HIBCH: variants seen among roughly 807,000 people sequenced by gnomAD.
HIBCH encodes the protein 3-hydroxyisobutyryl-CoA hydrolase, mitochondrial.
HIBCH carries 50 observed loss-of-function variants against 58.2 expected under a neutral mutation model. The ratio of observed to expected loss-of-function variants is 0.86; its 90% CI spans 0.68 to 1.09. The LOEUF is 1.09. Ranked by LOEUF, HIBCH falls within the 50% of genes least tolerant of loss-of-function variation. HIBCH has a pLI of 0.00. For missense variants in HIBCH, 450 were observed against 449.7 expected (o/e 1.00, Z -0.01); for synonymous variants, 151 against 146.9 (o/e 1.03, Z -0.20).
At chr2:190,228,966 C>G (rs1340669717) in intron 11 of HIBCH, among the ~76,000 whole-genome samples, 1 of 152,150 alleles carries the variant, frequency 6.6e-6, no homozygotes, top group Non-Finnish European at 1.5e-5. Flanking sequence ...CCAAAGAACC[C>G]TTCTTTTGAC....
intron 10 of HIBCH, among the ~76,000 whole-genome samples, 161 bp downstream of exon 10, chr2:190,245,989 CAAAA>C (rs527873173): frequency 3.3e-5 from 2 of 60,266 alleles, no homozygotes; most frequent in African/African-American, 5.6e-5. Context: ...GACTCTGTCT[CAAAA>C]AAAAAAAAAA....
rs1172882301 is a variant in HIBCH, at chr2:190,236,634, CTATA to C, written c.891+8249_891+8252del. 6.6e-6 allele frequency among the ~76,000 whole-genome samples: 1 copy of C among 152,138 alleles called. No individual in the cohort carries two copies. Among genetic ancestry groups the C allele is most frequent in the Non-Finnish European group, 1.5e-5 (1 of 68,010 alleles). On this transcript the variant is annotated intron_variant, in intron 11 of 13. Coordinates refer to ENST00000359678, the MANE Select transcript of HIBCH (RefSeq NM_014362.4). This position sits in a 1 kb window ranked among gnomAD's most constrained non-coding sequence, Gnocchi z 4.1. ...TTCACCAATCTGAAATGTCATATTA[CTATA>C]TAAAGACCAAAACAGACCTTCAAAA...
chr2:190,302,345 T>C (rs959433294), intron 2 of HIBCH, among the ~76,000 whole-genome samples: 2 of 152,212 alleles, frequency 1.3e-5, no homozygotes. Context: ...TAAGCTAACA[T>C]GTATGCACAT....
chr2:190,296,956 G>A lies in HIBCH; in HGVS notation c.79-3C>T, dbSNP rs778922921. 2.5e-6 allele frequency: 4 copies of A among 1,613,800 alleles called. No individual in the cohort carries two copies. The South Asian group carries it at 3.3e-5, about 13-fold the overall frequency. On this transcript the variant is annotated splice_polypyrimidine_tract_variant and splice_region_variant and intron_variant, in intron 2 of 13. Transcript: ENST00000359678. ...GCATCTGTGTGCTTGGACATTCTCT[G>A]TATAAACAAAGAATAACTTTATGAC...
chr2:190,200,884 A>G (rs1358406794), downstream of HIBCH: 1 of 167,078 alleles, frequency 6.0e-6, no homozygotes, highest in Non-Finnish European at 1.5e-5. Context: ...ACCTTTTACA[A>G]AGAGCAATCC....
intron 7 of HIBCH, among the ~76,000 whole-genome samples, chr2:190,253,705 C>A (rs1337159155): frequency 1.3e-5 from 2 of 152,198 alleles, no homozygotes; most frequent in Non-Finnish European, 2.9e-5. Flanking sequence ...CCTCCCATGG[C>A]TGCCTATTTC....
chr2:190,228,948 G>C (rs1686009522), intron 11 of HIBCH, among the ~76,000 whole-genome samples: 1 of 152,084 alleles, frequency 6.6e-6, no homozygotes, highest in Admixed American at 6.6e-5. Flanking sequence ...TGCCCTTTGG[G>C]TAACACCCCA....
At chr2:190,318,675 T>C (rs1198616855) in intron 1 of HIBCH, among the ~76,000 whole-genome samples, 1 of 152,208 alleles carries the variant, frequency 6.6e-6, no homozygotes, top group Non-Finnish European at 1.5e-5. Context: ...TTAACAAACA[T>C]GTCTTTCCAG....
At chr2:190,202,479 T>C (rs1336364595), downstream of HIBCH, 1 of 166,998 alleles carries the variant, frequency 6.0e-6, no homozygotes, top group Non-Finnish European at 1.5e-5. Flanking sequence ...AATAAACAAA[T>C]TTACATTACA....
chr2:190,283,801 C>G (rs1687765920), intron 6 of HIBCH, among the ~76,000 whole-genome samples: 1 of 152,180 alleles, frequency 6.6e-6, no homozygotes, highest in Non-Finnish European at 1.5e-5. Flanking sequence ...AGGGGTTCCT[C>G]ATCTGAACCA....
chr2:190,317,875 G>C (rs1416126704), intron 1 of HIBCH, among the ~76,000 whole-genome samples: 1 of 149,522 alleles, frequency 6.7e-6, no homozygotes, highest in African/African-American at 2.5e-5. Context: ...CCAGGCTGGA[G>C]TGCAGTGGCA....
chr2:190,262,952 A>G (rs185961667), intron 6 of HIBCH, among the ~76,000 whole-genome samples: 11 of 152,372 alleles, frequency 7.2e-5, no homozygotes, highest in African/African-American at 2.2e-4. Flanking sequence ...CAGAATAGTC[A>G]AGCCACTTCA....
chr2:190,280,508 C>T (rs1255146149), intron 6 of HIBCH, among the ~76,000 whole-genome samples: 2 of 152,262 alleles, frequency 1.3e-5, no homozygotes, highest in South Asian at 2.1e-4. Flanking sequence ...ACCTGAAGCT[C>T]GTGATCAGCC....
At chr2:190,255,477 G>C (rs926636419) in intron 7 of HIBCH, among the ~76,000 whole-genome samples, 4 of 152,228 alleles carry the variant, frequency 2.6e-5, no homozygotes, top group Non-Finnish European at 5.9e-5. Flanking sequence ...CTTATACTTT[G>C]GACAAGATAG....
intron 3 of HIBCH, among the ~76,000 whole-genome samples, chr2:190,295,034 G>A (rs1251146717): frequency 2.0e-5 from 3 of 152,184 alleles, no homozygotes; most frequent in East Asian, 3.8e-4. Flanking sequence ...CCTTTCTACT[G>A]TGCTGATACA....
intron 2 of HIBCH, among the ~76,000 whole-genome samples, chr2:190,300,517 T>G (rs2124834131): frequency 6.6e-6 from 1 of 152,226 alleles, no homozygotes; most frequent in South Asian, 2.1e-4. Context: ...AATGGGGTTG[T>G]TTTTTTCTTA....
intron 11 of HIBCH, among the ~76,000 whole-genome samples, chr2:190,219,374 A>G (rs886722732): frequency 2.6e-5 from 4 of 152,226 alleles, no homozygotes; most frequent in Admixed American, 6.5e-5. Flanking sequence ...TTAGGTCAGC[A>G]AACCACAGAA....
chr2:190,300,015 T>C (rs1688219607), intron 2 of HIBCH, among the ~76,000 whole-genome samples: 1 of 152,226 alleles, frequency 6.6e-6, no homozygotes, highest in African/African-American at 2.4e-5. Context: ...TTTTTATGGC[T>C]GTATAGTATT....
At chr2:190,238,526 G>A (rs1402258252) in intron 11 of HIBCH, among the ~76,000 whole-genome samples, 1 of 152,148 alleles carries the variant, frequency 6.6e-6, no homozygotes, top group African/African-American at 2.4e-5. Flanking sequence ...GGGCAGTAGG[G>A]TGATCTTGGC....
Sources: gnomAD v4.1 joint callset for allele counts (sites outside exome capture counted in the v4.1 genomes callset) on GRCh38, gnomAD v4.1.1 for gene constraint, Gnocchi (gnomAD v3.1) non-coding constraint, MANE v1.5 for transcripts, NCBI Gene and HGNC (gene_info 2026-07-23, HGNC 2026-07-21) for gene names.